RAP1GAP2: variants seen among roughly 807,000 people sequenced by gnomAD.
RAP1GAP2 encodes rap1 GTPase-activating protein 2.
Under a neutral mutation model 95.0 loss-of-function variants are expected in RAP1GAP2, and 27 were observed. The ratio of observed to expected loss-of-function variants is 0.28; its 90% CI spans 0.21 to 0.39. The LOEUF (loss-of-function observed/expected upper bound fraction) is 0.39. RAP1GAP2 is among the 10% of genes least tolerant of loss of function. The probability of loss-of-function intolerance (pLI) is 1.00; values close to 1 mark genes in which losing one functional copy is unlikely to be tolerated. For missense variants in RAP1GAP2, 771 were observed against 970.0 expected (o/e 0.79, Z 2.72); for synonymous variants, 373 against 380.9 (o/e 0.98, Z 0.24).
intron 12 of RAP1GAP2, among the ~76,000 whole-genome samples, chr17:2,994,102 A>G (rs1214696503): frequency 6.6e-6 from 1 of 152,176 alleles, no homozygotes; most frequent in East Asian, 1.9e-4. Context: ...GTAAGCCCAG[A>G]AGGTCCTCAG....
intron 2 of RAP1GAP2, among the ~76,000 whole-genome samples, chr17:2,899,326 C>T (rs979012966): frequency 6.6e-5 from 10 of 152,006 alleles, no homozygotes; most frequent in Non-Finnish European, 1.3e-4. Context: ...CCTGCCTCAG[C>T]CTCTCGAGTA....
chr17:2,826,733 C>T (rs571054231), intron 2 of RAP1GAP2, among the ~76,000 whole-genome samples: 73 of 152,204 alleles, frequency 4.8e-4, no homozygotes, highest in Admixed American at 1.0e-3. Context: ...TCCGGCCGGG[C>T]GCGGTGGCTC....
chr17:2,765,449 T>TA (rs1046266837), intron 1 of RAP1GAP2, among the ~76,000 whole-genome samples: 8 of 151,820 alleles, frequency 5.3e-5, no homozygotes, highest in African/African-American at 1.9e-4. Context: ...ACCCTGTTTC[T>TA]AAAAAACAGA....
chr17:2,890,437 C>A (rs536080550), intron 2 of RAP1GAP2, among the ~76,000 whole-genome samples: 1 of 152,058 alleles, frequency 6.6e-6, no homozygotes, highest in Non-Finnish European at 1.5e-5. Context: ...AGTCTTAGAG[C>A]GGAGTGGAGC....
chr17:2,854,053 G>T (rs1421036423), intron 2 of RAP1GAP2: 11 of 985,176 alleles, frequency 1.1e-5, no homozygotes, highest in Non-Finnish European at 1.3e-5. Flanking sequence ...CGCCGCCGTG[G>T]TGCTCATCGG....
intron 2 of RAP1GAP2, among the ~76,000 whole-genome samples, chr17:2,889,714 A>T (rs2073624444): frequency 8.0e-6 from 1 of 125,218 alleles, no homozygotes; most frequent in Non-Finnish European, 1.6e-5. Context: ...ATGGAGTCTC[A>T]CTCTGTCGCC....
intron 17 of RAP1GAP2, among the ~76,000 whole-genome samples, chr17:3,010,598 C>T (rs1317174042): frequency 6.6e-6 from 1 of 152,140 alleles, no homozygotes; most frequent in African/African-American, 2.4e-5. Context: ...AAGAGAGTGG[C>T]CTGAGGCCGC....
chr17:3,026,647 CCT>C (rs543644113), intron 21 of RAP1GAP2, among the ~76,000 whole-genome samples, 183 bp downstream of exon 21: 3 of 152,182 alleles, frequency 2.0e-5, no homozygotes, highest in African/African-American at 7.2e-5. Context: ...GGTGAGGGGA[CCT>C]CTCTCTCAGA....
At position 2,913,342 on chromosome 17, in the gene RAP1GAP2, G is replaced by A. The variant is rs575883781; in HGVS notation, c.165+7974G>A. On this transcript the variant is annotated intron_variant, in intron 3 of 24. Transcript: ENST00000254695. ...TCGCTCTTGTCACCCAGGTTGGAGT[G>A]CAGTGGCGTAATCTCAGCTCACTGC... 5.3e-5 allele frequency among the ~76,000 whole-genome samples: 8 copies of A among 152,010 alleles called. No homozygotes were observed. The East Asian group carries it at 1.6e-3, about 29-fold the overall frequency.
intron 1 of RAP1GAP2, 106 bp from the exon 2 acceptor site, chr17:2,800,409 C>G: frequency 7.0e-7 from 1 of 1,420,010 alleles, no homozygotes; most frequent in Non-Finnish European, 9.7e-7. Flanking sequence ...CTGACAGAGC[C>G]CTGCTGTCTG....
At chr17:2,818,293 C>CTTTATTTATTTATTTA (rs149867844) in intron 2 of RAP1GAP2, among the ~76,000 whole-genome samples, 17 of 136,336 alleles carry the variant, frequency 1.2e-4, no homozygotes, top group Admixed American at 6.8e-4. Flanking sequence ...TCTCAGCCCA[C>CTTTATTTATTTATTTA]TTTATTTATT....
In RAP1GAP2 at chr17:2,965,555, T is replaced by C; in HGVS notation, c.508T>C (p.Tyr170His). ...HFLGKDHLNF[Y>H]CTGSSLGNLI... ...CTTTTTTTAGGATCATCTAAACTTTTACTGTACCGGCAGCAGCCTGGGGAA... is the reference window on the plus strand; with the variant it reads ...CTTTTTTTAGGATCATCTAAACTTTCACTGTACCGGCAGCAGCCTGGGGAA... The change falls in exon 8 of 25, where the codon TAC (tyrosine) becomes CAC (histidine). Residue 170 changes from tyrosine to histidine, a missense_variant. Coordinates refer to ENST00000254695, the MANE Select transcript of RAP1GAP2 (RefSeq NM_015085.5). The surrounding 1 kb of genome is among the most constrained non-coding windows in gnomAD (Gnocchi z 4.7). 3 of 1,612,120 alleles carry C rather than the reference T, an allele frequency of 1.9e-6. No homozygotes were observed. Among genetic ancestry groups the C allele is most frequent in the Non-Finnish European group, 2.5e-6 (3 of 1,179,196 alleles).
intron 11 of RAP1GAP2, among the ~76,000 whole-genome samples, chr17:2,987,223 A>T (rs1282672663): frequency 6.6e-6 from 1 of 152,246 alleles, no homozygotes; most frequent in African/African-American, 2.4e-5. Context: ...CAGCCTTCAG[A>T]CATTCACAGA....
intron 3 of RAP1GAP2, among the ~76,000 whole-genome samples, chr17:2,939,908 C>T (rs758939410): frequency 6.6e-6 from 1 of 152,254 alleles, no homozygotes; most frequent in East Asian, 1.9e-4. Context: ...CTAACAGCTT[C>T]GGGCGGACAC....
chr17:2,798,482 G>C (rs917546732), intron 1 of RAP1GAP2, among the ~76,000 whole-genome samples: 30 of 152,156 alleles, frequency 2.0e-4, no homozygotes, highest in African/African-American at 7.2e-4. Flanking sequence ...ACTGGGGTTT[G>C]GGCCTCCTCA....
At chr17:2,787,165 G>C (rs2068803476) in intron 1 of RAP1GAP2, among the ~76,000 whole-genome samples, 1 of 151,228 alleles carries the variant, frequency 6.6e-6, no homozygotes, top group Non-Finnish European at 1.5e-5. Flanking sequence ...TGGCCAGGCT[G>C]GTCTCGAACT....
chr17:2,933,075 G>A (rs971670488), intron 3 of RAP1GAP2, among the ~76,000 whole-genome samples: 1 of 152,226 alleles, frequency 6.6e-6, no homozygotes, highest in Non-Finnish European at 1.5e-5. Context: ...CATGGCTGCG[G>A]TTTCCCTCCT....
At chr17:2,828,360 A>AACAG (rs1301632140) in intron 2 of RAP1GAP2, among the ~76,000 whole-genome samples, 1 of 151,554 alleles carries the variant, frequency 6.6e-6, no homozygotes, top group Non-Finnish European at 1.5e-5. Context: ...CAAACAAACA[A>AACAG]AAATAATACT....
At chr17:3,026,822 A>G in intron 21 of RAP1GAP2, 122 bp from the exon 22 acceptor site, 1 of 1,269,828 alleles carries the variant, frequency 7.9e-7, no homozygotes, top group Non-Finnish European at 1.1e-6. Context: ...GGAAAGAAAG[A>G]GCAGGCCCAA....
Sources: gnomAD v4.1 joint callset for allele counts (sites outside exome capture counted in the v4.1 genomes callset) on GRCh38, gnomAD v4.1.1 for gene constraint, Gnocchi (gnomAD v3.1) non-coding constraint, MANE v1.5 for transcripts, NCBI Gene and HGNC (gene_info 2026-07-23, HGNC 2026-07-21) for gene names.